Variants in QPCTL observed in about 807,000 individuals in gnomAD.
QPCTL encodes glutaminyl-peptide cyclotransferase like, also known as glutaminyl-peptide cyclotransferase-like protein.
In QPCTL, 31 loss-of-function variants were observed where a neutral mutation model predicts 34.6. The ratio of observed to expected loss-of-function variants is 0.90; its 90% CI spans 0.67 to 1.21. The LOEUF (loss-of-function observed/expected upper bound fraction) is 1.21. Ranked by LOEUF, QPCTL falls within the 50% of genes most tolerant of loss-of-function variation. The probability of loss-of-function intolerance (pLI) is 0.00; values close to 1 mark genes in which losing one functional copy is unlikely to be tolerated. For synonymous variants in QPCTL, 223 were observed against 226.9 expected, an observed-to-expected ratio of 0.98 and a Z score of 0.15; for missense variants, 474 against 507.8, an observed-to-expected ratio of 0.93 and a Z score of 0.64.
rs1967674051 is a variant in QPCTL at position 45,695,562 on chromosome 19, T to G, written c.477T>G (p.Ala159=). Residue 159 remains alanine (A), a synonymous_variant, in exon 3 of 7, where the codon GCT becomes GCG. Transcript: ENST00000012049. ...TGGTGGCCACACTGGACCCAAGGGC[T>G]GCCCGTCACCTCACCCTTGCCTGCC... ...GNVVATLDPR[A]ARHLTLACHY... The G allele has an allele frequency of 8.1e-6, 13 of 1,614,104 alleles. No individual in the cohort carries two copies. Among genetic ancestry groups the G allele is most frequent in the Non-Finnish European group, 1.1e-5 (13 of 1,179,998 alleles).
chr19:45,693,295 G>A, intron 1 of QPCTL, 118 bp from the exon 2 acceptor site: 1 of 1,321,950 alleles, frequency 7.6e-7, no homozygotes. Context: ...CTCCGATGCT[G>A]GAGGCGGCAG....
chr19:45,693,288 C>T (rs1967611833), intron 1 of QPCTL, 125 bp from the exon 2 acceptor site: 1 of 1,293,166 alleles, frequency 7.7e-7, no homozygotes, highest in South Asian at 1.5e-5. Flanking sequence ...TAGAAGTCTC[C>T]GATGCTGGAG....
At position 45,703,285 on chromosome 19, in the gene QPCTL, C is replaced by T. The variant is rs1967844194; in HGVS notation, c.*236C>T. 1 of 554,378 alleles carries T rather than the reference C, an allele frequency of 1.8e-6. No homozygotes were observed. The highest frequency in any genetic ancestry group is 3.2e-6 in the Non-Finnish European group (1 of 311,810). 34.3% of individuals were successfully genotyped at this position (554,378 alleles called of 1,614,324 possible). The stretch of plus-strand genomic sequence containing the variant: ...AGCCAGAGGAATAAGAACTTGCTCC[C>T]TCCCCAGAGGTAAACACTTGGTCCA... On this transcript the variant is annotated 3_prime_UTR_variant, in exon 7 of 7. Transcript: ENST00000012049.
chr19:45,696,118 C>T (rs1329387603), intron 3 of QPCTL, among the ~76,000 whole-genome samples: 1 of 152,082 alleles, frequency 6.6e-6, no homozygotes, highest in Non-Finnish European at 1.5e-5. Context: ...TCATTCCAGC[C>T]ATAATCCAGA....
intron 3 of QPCTL, among the ~76,000 whole-genome samples, chr19:45,698,045 C>G (rs1359392310): frequency 6.6e-6 from 1 of 151,992 alleles, no homozygotes; most frequent in Non-Finnish European, 1.5e-5. Flanking sequence ...GAGTTCGAGA[C>G]CAGCCTGGCC....
intron 3 of QPCTL, 106 bp from the exon 4 acceptor site, chr19:45,698,441 A>G: frequency 7.4e-7 from 1 of 1,359,900 alleles, no homozygotes; most frequent in Admixed American, 2.3e-5. Context: ...GAGTGAGGAC[A>G]CCTTATGTGT....
At chr19:45,695,159 G>A (rs1006910366) in intron 2 of QPCTL, among the ~76,000 whole-genome samples, 5 of 151,972 alleles carry the variant, frequency 3.3e-5, no homozygotes, top group South Asian at 2.1e-4. Flanking sequence ...TGTAGGGGGC[G>A]CCTGTAACCC....
chr19:45,698,771 G>A lies in QPCTL; in HGVS notation c.787-30G>A, dbSNP rs766075895. 2.5e-6 allele frequency: 4 copies of A among 1,613,360 alleles called. No homozygotes were observed. The East Asian group carries it at 8.9e-5, about 36-fold the overall frequency. On this transcript the variant is annotated intron_variant, in intron 4 of 6. Transcript: ENST00000012049. ...AGCAGGGCTGGCGTCATCCTGCACG[G>A]GCCCCTCCAGTCCTAGCCTTTCTCC...
At chr19:45,701,277 C>CTTT (rs34262469) in intron 5 of QPCTL, among the ~76,000 whole-genome samples, 1 of 141,422 alleles carries the variant, frequency 7.1e-6, no homozygotes, top group African/African-American at 2.6e-5. Flanking sequence ...AGAGCAAGAT[C>CTTT]TTTTTTTTTT....
chr19:45,702,794 A>G, intron 6 of QPCTL, 110 bp from the exon 7 acceptor site: 1 of 1,287,712 alleles, frequency 7.8e-7, no homozygotes, highest in Non-Finnish European at 1.1e-6. Flanking sequence ...AGAACATAGT[A>G]TCTTTCACCA....
At chr19:45,699,974 G>A (rs537876857) in intron 5 of QPCTL, among the ~76,000 whole-genome samples, 1 of 147,582 alleles carries the variant, frequency 6.8e-6, no homozygotes, top group South Asian at 2.1e-4. Flanking sequence ...GGTGGCACCT[G>A]CCTGCAGTCC....
chr19:45,701,673 G>A (rs933528025), intron 5 of QPCTL, 125 bp from the exon 6 acceptor site: 9 of 684,494 alleles, frequency 1.3e-5, no homozygotes, highest in African/African-American at 1.3e-4. Flanking sequence ...GGAGTAACTG[G>A]CATTCACTCT....
chr19:45,695,413 C>T (rs769284840), intron 2 of QPCTL, 24 bp from the exon 3 acceptor site: 13 of 1,597,372 alleles, frequency 8.1e-6, no homozygotes, highest in Non-Finnish European at 8.6e-6. Flanking sequence ...CCCGTCCACC[C>T]TCCCACCTCT....
intron 3 of QPCTL, among the ~76,000 whole-genome samples, chr19:45,697,228 C>G (rs1359597108): frequency 6.6e-6 from 1 of 151,922 alleles, no homozygotes; most frequent in Non-Finnish European, 1.5e-5. Flanking sequence ...AGATTGAGAC[C>G]ATCCTGGCTA....
intron 3 of QPCTL, among the ~76,000 whole-genome samples, chr19:45,696,775 C>G (rs951581405): frequency 1.9e-4 from 29 of 151,822 alleles, no homozygotes; most frequent in African/African-American, 6.3e-4. Flanking sequence ...TAGATATCTT[C>G]CTGGCTGGCT....
chr19:45,696,868 A>G (rs996011804), intron 3 of QPCTL, among the ~76,000 whole-genome samples: 1 of 152,080 alleles, frequency 6.6e-6, no homozygotes, highest in African/African-American at 2.4e-5. Context: ...CGCACCTGTA[A>G]TCCCAGCACT....
rs1210077450 is a variant in QPCTL, at chr19:45,701,797, G to C, written c.887-1G>C. 6.2e-7 allele frequency: 1 copy of C among 1,609,970 alleles called. No individual in the cohort carries two copies. The highest frequency in any genetic ancestry group is 1.7e-4 in the Middle Eastern group (1 of 6,042). On this transcript the variant is annotated splice_acceptor_variant, in intron 5 of 6. Transcript: ENST00000012049. LOFTEE classifies it high-confidence loss of function. ...TCCTCTCTAATCGCCCCCACTTCCAGAGAAGCGTCTGCACCGTTTGAACCT... is the reference window on the plus strand; with the variant it reads ...TCCTCTCTAATCGCCCCCACTTCCACAGAAGCGTCTGCACCGTTTGAACCT...
chr19:45,698,530 C>A lies in QPCTL; in HGVS notation c.634-17C>A. On this transcript the variant is annotated splice_polypyrimidine_tract_variant and intron_variant, in intron 3 of 6. Transcript: ENST00000012049. ...AGTCCTGAGCTGGCTCTGGCCACCCCCCTGCTGCTCCCACAGGCAGCCCCG... is the reference window on the plus strand; with the variant it reads ...AGTCCTGAGCTGGCTCTGGCCACCCACCTGCTGCTCCCACAGGCAGCCCCG... 2.5e-6 allele frequency: 4 copies of A among 1,613,462 alleles called. No homozygotes were observed. The highest frequency in any genetic ancestry group is 2.2e-5 in the South Asian group (2 of 91,048).
At chr19:45,696,765 T>C (rs1967704338) in intron 3 of QPCTL, among the ~76,000 whole-genome samples, 1 of 151,550 alleles carries the variant, frequency 6.6e-6, no homozygotes, top group Admixed American at 6.6e-5. Flanking sequence ...ATGCTTTTCA[T>C]AGATATCTTC....
Sources: gnomAD v4.1 joint callset for allele counts (sites outside exome capture counted in the v4.1 genomes callset) on GRCh38, gnomAD v4.1.1 for gene constraint, MANE v1.5 for transcripts, NCBI Gene and HGNC (gene_info 2026-07-23, HGNC 2026-07-21) for gene names.